PSG5: variants seen among roughly 807,000 people sequenced by gnomAD.
The protein encoded by PSG5 is pregnancy-specific beta-1-glycoprotein 5.
A neutral mutation model predicts 37.7 loss-of-function variants in PSG5; 53 were observed. That is an observed-to-expected ratio of 1.41 (90% CI 1.13 to 1.77). The LOEUF (loss-of-function observed/expected upper bound fraction) is 1.77. Among genes scored for constraint, PSG5 ranks in the 40% most tolerant of loss-of-function variants. The pLI is 0.00. For missense variants in PSG5, 547 were observed against 405.2 expected, an observed-to-expected ratio of 1.35 and a Z score of -3.00; for synonymous variants, 221 against 155.4, an observed-to-expected ratio of 1.42 and a Z score of -3.14.
intron 1 of PSG5, among the ~76,000 whole-genome samples, chr19:43,186,043 C>A (rs1354441294): frequency 6.6e-6 from 1 of 150,962 alleles, no homozygotes; most frequent in Non-Finnish European, 1.5e-5. Flanking sequence ...GTGGTGCTAT[C>A]TCGGCTCGCT....
rs187180000 is a variant in PSG5 at position 43,183,284 on chromosome 19, G to T, written c.430+1498C>A. On this transcript the variant is annotated intron_variant, in intron 2 of 5. Transcript: ENST00000342951. ...GCTTTAGGGGCAAGAGGTAGTGGGG[G>T]GATGAAACATGGATGTCAGCCTCTG... The T allele has an allele frequency of 5.6e-3, 2,040 of 364,858 alleles. 51 individuals carry two copies. The highest frequency in any genetic ancestry group is 0.03 in the African/African-American group (1,407 of 46,650). The allele number at this position is 364,858 out of a possible 1,614,324, so 22.6% of individuals were successfully genotyped here. A position where few individuals can be genotyped will look rare whatever the true frequency, so the allele number is the denominator to read the frequency against.
chr19:43,175,195 G>A lies in PSG5; in HGVS notation c.964+20C>T, dbSNP rs1361672607. ...ACTCCACCTAAAACCCTATTGCCAAGGATGCTGGGATCCACTTACCAGAGA... is the reference window on the plus strand; with the variant it reads ...ACTCCACCTAAAACCCTATTGCCAAAGATGCTGGGATCCACTTACCAGAGA... On this transcript the variant is annotated intron_variant, in intron 4 of 5. Coordinates refer to ENST00000342951, the MANE Select transcript of PSG5 (RefSeq NM_002781.4). The A allele has an allele frequency of 5.0e-6, 8 of 1,612,458 alleles. 1 individual carries two copies. In the Admixed American group the frequency reaches 6.7e-5, roughly 13 times the overall value.
At chr19:43,170,340 G>A in intron 4 of PSG5, 1 of 644,034 alleles carries the variant, frequency 1.6e-6, no homozygotes, top group South Asian at 1.9e-5. Context: ...ATGGTGATCA[G>A]TCCTCTGTCA....
At chr19:43,186,127 C>A (rs1165255762) in intron 1 of PSG5, among the ~76,000 whole-genome samples, 1 of 151,336 alleles carries the variant, frequency 6.6e-6, no homozygotes, top group Admixed American at 6.6e-5. Context: ...CAAGAGCACA[C>A]CACCATACCT....
rs544899546 is a variant in PSG5 at position 43,180,285 on chromosome 19, C to T, written c.431-4137G>A. ...GTTCTAGAGATCTCCTGTGCAGCCTCGTGCCTATACTTCATGCAGATACAG... is the reference window on the plus strand; with the variant it reads ...GTTCTAGAGATCTCCTGTGCAGCCTTGTGCCTATACTTCATGCAGATACAG... On this transcript the variant is annotated intron_variant, in intron 2 of 5. Coordinates refer to ENST00000342951, the MANE Select transcript of PSG5 (RefSeq NM_002781.4). The T allele has an allele frequency of 2.1e-3, 317 of 151,612 alleles. 11 individuals are homozygous for T. The highest frequency in any genetic ancestry group is 7.0e-3 in the African/African-American group (287 of 41,216). The allele number at this position is 151,612 out of a possible 1,614,324, so 9.4% of individuals were successfully genotyped here.
Position 43,178,759 on chromosome 19 carries a change from C to G in PSG5, c.431-2611G>C, listed in dbSNP as rs1163538218. 1.1e-4 allele frequency: 175 copies of G among 1,602,714 alleles called. 3 individuals carry two copies. The highest frequency in any genetic ancestry group is 1.4e-4 in the Non-Finnish European group (159 of 1,171,390). On this transcript the variant is annotated intron_variant, in intron 2 of 5. Transcript: ENST00000342951. ...GCCTGGGGCAGAAAGTCATGGCCAGCTTTGATGTCCAGGGGTAAAGGTCTC... is the reference window on the plus strand; with the variant it reads ...GCCTGGGGCAGAAAGTCATGGCCAGGTTTGATGTCCAGGGGTAAAGGTCTC...
chr19:43,179,160 T>C (rs531588768), intron 2 of PSG5: 2 of 1,586,898 alleles, frequency 1.3e-6, no homozygotes, highest in East Asian at 2.2e-5. Context: ...AGTTTCCACT[T>C]TGCAGAAAAC....
At chr19:43,174,648 G>A (rs1968967330) in intron 4 of PSG5, 2 of 981,598 alleles carry the variant, frequency 2.0e-6, no homozygotes, top group Non-Finnish European at 2.4e-6. Context: ...CCAAATTCAG[G>A]ACAGGCCACC....
intron 1 of PSG5, among the ~76,000 whole-genome samples, chr19:43,186,090 C>T (rs1966933208): frequency 6.6e-6 from 1 of 151,244 alleles, no homozygotes; most frequent in African/African-American, 2.4e-5. Flanking sequence ...GATTTTCCTG[C>T]CTCAGCCTCC....
Position 43,184,773 on chromosome 19 carries a change from A to C in PSG5, c.430+9T>G, listed in dbSNP as rs201340884. ...CCCCAACACCCAGGGATCATGTGGA[A>C]TCACTCACGGTATAAGTTGAAGGTG... On this transcript the variant is annotated intron_variant, in intron 2 of 5. Coordinates refer to ENST00000342951, the MANE Select transcript of PSG5 (RefSeq NM_002781.4). 3.8e-5 allele frequency: 62 copies of C among 1,611,966 alleles called. 1 individual carries two copies. Among genetic ancestry groups the C allele is most frequent in the Non-Finnish European group, 5.2e-5 (61 of 1,178,884 alleles).
chr19:43,170,531 T>C (rs1423703965), intron 4 of PSG5: 4 of 439,580 alleles, frequency 9.1e-6, no homozygotes, highest in Non-Finnish European at 1.3e-5. Context: ...AGGGAGCTGA[T>C]TGACAGAAGG....
intron 2 of PSG5, among the ~76,000 whole-genome samples, chr19:43,182,090 C>A (rs925813140): frequency 6.6e-6 from 1 of 151,700 alleles, no homozygotes; most frequent in African/African-American, 2.4e-5. Flanking sequence ...CATTCCTGGG[C>A]ATAGGCCAGG....
intron 2 of PSG5, among the ~76,000 whole-genome samples, chr19:43,181,523 A>G (rs1376068617): frequency 1.3e-5 from 2 of 151,520 alleles, no homozygotes. Flanking sequence ...CAGTGGCATG[A>G]TCTCAGCTCA....
chr19:43,186,187 G>A (rs962401752), intron 1 of PSG5, among the ~76,000 whole-genome samples, 155 bp downstream of exon 1: 3 of 150,990 alleles, frequency 2.0e-5, no homozygotes, highest in African/African-American at 4.9e-5. Context: ...TGTGTTGGCA[G>A]GACTGACCTT....
In PSG5 at chr19:43,182,705, A is replaced by ATTTTTTTTTTT. The variant is rs534568803; in HGVS notation, c.430+2066_430+2076dup. 5.5e-4 allele frequency among the ~76,000 whole-genome samples: 32 copies of ATTTTTTTTTTT among 58,470 alleles called. 2 individuals are homozygous for ATTTTTTTTTTT. The highest frequency in any genetic ancestry group is 7.0e-4 in the African/African-American group (10 of 14,322). The allele number at this position is 58,470 out of a possible 152,430, so 38.4% of individuals were successfully genotyped here. A position where few individuals can be genotyped will look rare whatever the true frequency, so the allele number is the denominator to read the frequency against. ...TTGACTAGAAACCAACATTTCAATA[A>ATTTTTTTTTTT]TTTTTTTTTTTTTTTTTTGTGCAGG... On this transcript the variant is annotated intron_variant, in intron 2 of 5. Transcript: ENST00000342951.
At chr19:43,180,611 A>T (rs1969108535) in intron 2 of PSG5, 1 of 151,628 alleles carries the variant, frequency 6.6e-6, no homozygotes, top group South Asian at 2.1e-4. Flanking sequence ...TAACAAAAAA[A>T]ATTTGGAGGA....
chr19:43,178,768 C>G, intron 2 of PSG5: 3 of 1,606,172 alleles, frequency 1.9e-6, no homozygotes, highest in Non-Finnish European at 2.6e-6. Context: ...GCTTTGATGT[C>G]CAGGGGTAAA....
intron 2 of PSG5, among the ~76,000 whole-genome samples, chr19:43,179,962 T>G (rs938122659): frequency 4.6e-5 from 7 of 151,748 alleles, no homozygotes; most frequent in Non-Finnish European, 8.8e-5. Context: ...CATGTGGATG[T>G]TTGCAAATGC....
rs903558754 is a variant in PSG5 at position 43,175,366 on chromosome 19, A to G, written c.813T>C (p.Tyr271=). Residue 271 remains tyrosine (Y), a synonymous_variant, in exon 4 of 6, where the codon TAT becomes TAC. Coordinates refer to ENST00000342951, the MANE Select transcript of PSG5 (RefSeq NM_002781.4). ...CFAESNPPAE[Y]FWTINGKFQQ... ...GAAACTTCCCATTAATTGTCCAAAA[A>G]TACTCTGCCGGTGGGTTAGATTCCG... is the stretch of plus-strand genomic sequence containing the variant. 1.3e-5 allele frequency: 21 copies of G among 1,612,748 alleles called. 1 individual carries two copies. The African/African-American group carries it at 1.3e-4, about 10-fold the overall frequency.
Sources: allele counts gnomAD v4.1 joint callset (sites outside exome capture counted in the v4.1 genomes callset), GRCh38; gene constraint gnomAD v4.1.1; transcripts MANE v1.5; gene names NCBI Gene and HGNC (gene_info 2026-07-23, HGNC 2026-07-21).